Variants in DCDC1 observed in about 807,000 individuals in gnomAD.
The protein encoded by DCDC1 is doublecortin domain containing 1.
DCDC1 carries 200 observed loss-of-function variants against 178.3 expected under a neutral mutation model. That is an observed-to-expected ratio of 1.12 (90% CI 1.00 to 1.26). The LOEUF (loss-of-function observed/expected upper bound fraction) is 1.26. Among genes scored for constraint, DCDC1 ranks in the 50% most tolerant of loss-of-function variants. The pLI is 0.00. For missense variants in DCDC1, 1,983 were observed against 1,749.2 expected (o/e 1.13, Z -2.38); for synonymous variants, 690 against 604.8 (o/e 1.14, Z -2.07).
chr11:31,185,416 A>AAAAT (rs1213974243), intron 9 of DCDC1, among the ~76,000 whole-genome samples: 1 of 152,182 alleles, frequency 6.6e-6, no homozygotes, highest in South Asian at 2.1e-4. Flanking sequence ...AATAAAAAAG[A>AAAAT]AAATAAATAA....
intron 20 of DCDC1, among the ~76,000 whole-genome samples, chr11:31,055,407 A>C (rs1274310827): frequency 1.3e-5 from 2 of 152,198 alleles, no homozygotes; most frequent in African/African-American, 4.8e-5. Flanking sequence ...TACAATCACT[A>C]TGTTTCCATA....
intron 9 of DCDC1, among the ~76,000 whole-genome samples, chr11:31,226,692 A>G (rs1250225675): frequency 6.7e-6 from 1 of 148,852 alleles, no homozygotes; most frequent in African/African-American, 2.5e-5. Context: ...ATCTCAAAAA[A>G]GCAAGATCTC....
chr11:31,273,670 G>A (rs192064828), intron 7 of DCDC1, among the ~76,000 whole-genome samples: 21 of 152,206 alleles, frequency 1.4e-4, no homozygotes, highest in African/African-American at 3.1e-4. Flanking sequence ...TACTCAGTTC[G>A]AAAGTCGCTT....
intron 20 of DCDC1, among the ~76,000 whole-genome samples, chr11:31,046,801 C>A (rs999255958): frequency 1.3e-5 from 2 of 152,106 alleles, no homozygotes; most frequent in South Asian, 4.1e-4. Context: ...AGATATGACA[C>A]ATATAAAAAC....
chr11:31,183,018 A>T (rs943560154), intron 9 of DCDC1, among the ~76,000 whole-genome samples: 4 of 152,212 alleles, frequency 2.6e-5, no homozygotes, highest in Admixed American at 1.3e-4. Context: ...GCATTATATA[A>T]TGGTAAAGGG....
intron 1 of DCDC1, among the ~76,000 whole-genome samples, chr11:31,344,576 A>G (rs1226195951): frequency 6.6e-6 from 1 of 152,170 alleles, no homozygotes; most frequent in African/African-American, 2.4e-5. Context: ...TAAAAATAGT[A>G]ACCACTTCAT....
chr11:31,028,087 C>T (rs1953360135), intron 20 of DCDC1, among the ~76,000 whole-genome samples: 2 of 151,790 alleles, frequency 1.3e-5, no homozygotes, highest in African/African-American at 4.8e-5. Context: ...GATATATAGT[C>T]TGTAAAACAA....
At chr11:31,065,738 C>T (rs1310850289) in intron 18 of DCDC1, among the ~76,000 whole-genome samples, 3 of 152,180 alleles carry the variant, frequency 2.0e-5, no homozygotes, top group Non-Finnish European at 4.4e-5. Flanking sequence ...ATACTAAATA[C>T]AAATGAAGCA....
intron 9 of DCDC1, among the ~76,000 whole-genome samples, chr11:31,176,198 A>T (rs1332689723): frequency 6.6e-6 from 1 of 152,192 alleles, no homozygotes; most frequent in African/African-American, 2.4e-5. Flanking sequence ...AAATAGATAG[A>T]TATCACAAAA....
intron 38 of DCDC1, among the ~76,000 whole-genome samples, chr11:30,873,362 T>TAGAGAGAG (rs1220218244): frequency 8.7e-4 from 120 of 138,054 alleles, no homozygotes; most frequent in African/African-American, 2.9e-3. Flanking sequence ...TATATATATA[T>TAGAGAGAG]ATAGAGAGAG....
chr11:30,923,351 T>C (rs1946375758), intron 23 of DCDC1, among the ~76,000 whole-genome samples: 1 of 151,622 alleles, frequency 6.6e-6, no homozygotes, highest in Non-Finnish European at 1.5e-5. Context: ...AAAATGTCAA[T>C]GTGGCTATTG....
At chr11:30,974,076 T>C (rs1949964923) in intron 20 of DCDC1, among the ~76,000 whole-genome samples, 1 of 151,720 alleles carries the variant, frequency 6.6e-6, no homozygotes, top group Non-Finnish European at 1.5e-5. Flanking sequence ...TAGAAGATAA[T>C]AACAAGAGGA....
At chr11:31,069,055 G>A (rs1182590922) in intron 18 of DCDC1, among the ~76,000 whole-genome samples, 2 of 152,024 alleles carry the variant, frequency 1.3e-5, no homozygotes, top group Non-Finnish European at 2.9e-5. Flanking sequence ...GTTTCACCGT[G>A]TTAGCCAGGA....
intron 20 of DCDC1, among the ~76,000 whole-genome samples, chr11:31,023,512 G>A (rs917172574): frequency 1.3e-5 from 2 of 152,024 alleles, no homozygotes; most frequent in African/African-American, 4.8e-5. Flanking sequence ...GTTGAAAAAT[G>A]AGGAGAGACG....
chr11:31,212,667 A>G (rs2136546515), intron 9 of DCDC1, among the ~76,000 whole-genome samples: 1 of 152,328 alleles, frequency 6.6e-6, no homozygotes, highest in East Asian at 1.9e-4. Context: ...TGACGATGCA[A>G]GAAAACGGTA....
intron 20 of DCDC1, among the ~76,000 whole-genome samples, chr11:30,983,509 G>A (rs1372428746): frequency 6.6e-6 from 1 of 151,984 alleles, no homozygotes; most frequent in Non-Finnish European, 1.5e-5. Context: ...AGAATTATCT[G>A]GTTCACATTT....
intron 20 of DCDC1, among the ~76,000 whole-genome samples, chr11:31,063,655 G>T (rs763409406): frequency 6.6e-6 from 1 of 152,084 alleles, no homozygotes; most frequent in Non-Finnish European, 1.5e-5. Context: ...GAAGTGGGAG[G>T]ATTGCTTGAG....
chr11:30,871,055 G>A (rs1041225342), intron 38 of DCDC1, among the ~76,000 whole-genome samples: 1 of 152,108 alleles, frequency 6.6e-6, no homozygotes, highest in African/African-American at 2.4e-5. Context: ...CTAATCTAAA[G>A]GAATGAGTAG....
intron 20 of DCDC1, among the ~76,000 whole-genome samples, chr11:31,018,488 C>T (rs1181762003): frequency 6.6e-6 from 1 of 152,168 alleles, no homozygotes; most frequent in Non-Finnish European, 1.5e-5. Flanking sequence ...CAGGTTCGTC[C>T]TTTTATGTTT....
Sources: gnomAD v4.1 joint callset for allele counts (sites outside exome capture counted in the v4.1 genomes callset) on GRCh38, gnomAD v4.1.1 for gene constraint, MANE v1.5 for transcripts, NCBI Gene and HGNC (gene_info 2026-07-23, HGNC 2026-07-21) for gene names.